PRELID2: variants seen among roughly 807,000 people sequenced by gnomAD.
PRELID2 encodes the protein PRELI domain containing 2, also known as PRELI domain-containing protein 2.
Under a neutral mutation model 28.4 loss-of-function variants are expected in PRELID2, and 25 were observed. The ratio of observed to expected loss-of-function variants is 0.88; its 90% CI spans 0.64 to 1.23. PRELID2 has a LOEUF of 1.23. Among genes scored for constraint, PRELID2 ranks in the 50% most tolerant of loss-of-function variants. PRELID2 has a pLI of 0.00. For missense variants in PRELID2, 201 were observed against 214.4 expected (o/e 0.94, Z 0.39); for synonymous variants, 76 against 71.6 (o/e 1.06, Z -0.31).
At chr5:145,460,898 T>C in the PRELID2 span, among the ~76,000 whole-genome samples, 22 of 152,372 alleles carry the variant, frequency 1.4e-4, no homozygotes, top group Admixed American at 1.4e-3. Context: ...ATGTTTTATA[T>C]GAAACTAGAA....
chr5:145,768,843 C>G (rs979895676), intron 5 of PRELID2, among the ~76,000 whole-genome samples: 3 of 151,932 alleles, frequency 2.0e-5, no homozygotes, highest in Non-Finnish European at 2.9e-5. Flanking sequence ...TTTTTCCCCC[C>G]CTCTCATACC....
chr5:145,413,849 C>T, the PRELID2 span, among the ~76,000 whole-genome samples: 1 of 152,180 alleles, frequency 6.6e-6, no homozygotes, highest in South Asian at 2.1e-4. Context: ...CGGCAGTTCC[C>T]TTCATGTTGC....
chr5:145,425,633 T>C, the PRELID2 span, among the ~76,000 whole-genome samples: 2 of 152,152 alleles, frequency 1.3e-5, no homozygotes, highest in Admixed American at 1.3e-4. Context: ...GAAGCCATTA[T>C]CCTCAGCAAA....
the PRELID2 span, among the ~76,000 whole-genome samples, chr5:145,260,940 C>T: frequency 6.6e-6 from 1 of 152,128 alleles, no homozygotes. Flanking sequence ...TGCTCACTGG[C>T]TGCCTGGAAA....
At chr5:145,588,362 G>A (rs1561511794) in intron 1 of PRELID2, among the ~76,000 whole-genome samples, 1 of 152,018 alleles carries the variant, frequency 6.6e-6, no homozygotes, top group African/African-American at 2.4e-5. Context: ...AGCAAAGAAC[G>A]CCATATGCCA....
At chr5:145,351,871 A>T in the PRELID2 span, among the ~76,000 whole-genome samples, 1 of 152,290 alleles carries the variant, frequency 6.6e-6, no homozygotes, top group East Asian at 1.9e-4. Flanking sequence ...GAAGTCCAAA[A>T]TCCATTAGGG....
intron 1 of PRELID2, among the ~76,000 whole-genome samples, chr5:145,832,809 C>T (rs1755689870): frequency 6.6e-6 from 1 of 152,088 alleles, no homozygotes; most frequent in African/African-American, 2.4e-5. Context: ...ACACACCACA[C>T]ACCCAGCCTT....
chr5:145,605,666 G>C (rs1051796881), intron 1 of PRELID2, among the ~76,000 whole-genome samples: 1 of 151,788 alleles, frequency 6.6e-6, no homozygotes, highest in African/African-American at 2.4e-5. Context: ...GCTCTTTTAT[G>C]GTTCCATATG....
chr5:145,700,173 T>C (rs1755373598), intron 1 of PRELID2, among the ~76,000 whole-genome samples: 1 of 148,764 alleles, frequency 6.7e-6, no homozygotes, highest in African/African-American at 2.6e-5. Flanking sequence ...AACCCAGTGG[T>C]TTTTCTGGTC....
the PRELID2 span, among the ~76,000 whole-genome samples, chr5:145,366,450 A>T: frequency 6.6e-6 from 1 of 151,790 alleles, no homozygotes; most frequent in East Asian, 1.9e-4. Flanking sequence ...GATTTGTCAA[A>T]TCCCCCCAAA....
intron 1 of PRELID2, among the ~76,000 whole-genome samples, chr5:145,692,546 C>T (rs1037795829): frequency 1.3e-5 from 2 of 151,962 alleles, no homozygotes; most frequent in African/African-American, 2.4e-5. Context: ...TGTTTTCACC[C>T]AAAAGGTGAC....
rs149345609 is a variant in PRELID2, at chr5:145,733,124, G to A, written n.70+31807C>T. ...AAGAAAAACAGCTGTGCATGGTGGC[G>A]TACACCTGTAGTCCCAGCTACTCGC... On this transcript the variant is annotated intron_variant and non_coding_transcript_variant, in intron 1 of 2. Transcript: ENST00000510259. 9.7e-4 allele frequency among the ~76,000 whole-genome samples: 147 copies of A among 151,706 alleles called. No homozygotes were observed. The South Asian group carries it at 0.013, about 14-fold the overall frequency.
chr5:145,652,626 C>T (rs1002289893), intron 1 of PRELID2, among the ~76,000 whole-genome samples: 2 of 152,280 alleles, frequency 1.3e-5, no homozygotes, highest in Middle Eastern at 3.4e-3. Context: ...ATTTTCAACC[C>T]AGAATTTCAT....
chr5:145,229,018 T>A, the PRELID2 span: 8 of 1,602,290 alleles, frequency 5.0e-6, no homozygotes, highest in Non-Finnish European at 6.0e-6. Flanking sequence ...AGGGAGTTTG[T>A]GGAGGAGTTC....
the PRELID2 span, among the ~76,000 whole-genome samples, chr5:145,394,076 A>G: frequency 6.6e-6 from 1 of 152,140 alleles, no homozygotes; most frequent in East Asian, 1.9e-4. Context: ...CCATCCCATT[A>G]CTGGGTATAT....
chr5:145,824,434 G>GTT (rs1287443122), intron 1 of PRELID2, among the ~76,000 whole-genome samples: 1 of 124,566 alleles, frequency 8.0e-6, no homozygotes, highest in Non-Finnish European at 1.9e-5. Context: ...GCGTGTGTGT[G>GTT]TGTGTGTGTG....
intron 1 of PRELID2, among the ~76,000 whole-genome samples, chr5:145,621,970 T>A (rs1441051423): frequency 1.3e-5 from 2 of 152,146 alleles, no homozygotes; most frequent in Admixed American, 1.3e-4. Context: ...AGTTATTACA[T>A]GTCAACTAAA....
chr5:145,653,068 A>C (rs1754326683), intron 1 of PRELID2, among the ~76,000 whole-genome samples: 1 of 152,236 alleles, frequency 6.6e-6, no homozygotes, highest in African/African-American at 2.4e-5. Context: ...CTACCAAGCA[A>C]ATGGAAAACA....
At chr5:145,818,151 G>T (rs767660729) in intron 3 of PRELID2, 97 bp from the exon 4 acceptor site, 1 of 1,268,290 alleles carries the variant, frequency 7.9e-7, no homozygotes, top group Non-Finnish European at 1.1e-6. Context: ...TAACCAAGAG[G>T]ACAAGTAATC....
Sources: gnomAD v4.1 joint callset for allele counts (sites outside exome capture counted in the v4.1 genomes callset) on GRCh38, gnomAD v4.1.1 for gene constraint, MANE v1.5 for transcripts, NCBI Gene and HGNC (gene_info 2026-07-23, HGNC 2026-07-21) for gene names.